The following TNFRSF11B variants were observed in gnomAD, a reference collection of about 807,000 sequenced individuals.
TNFRSF11B encodes TNF receptor superfamily member 11b, also known as tumor necrosis factor receptor superfamily member 11B.
TNFRSF11B carries 16 observed loss-of-function variants against 43.4 expected under a neutral mutation model. The ratio of observed to expected loss-of-function variants is 0.37; its 90% confidence interval spans 0.25 to 0.56. The LOEUF is 0.56. Ranked by LOEUF, TNFRSF11B falls within the 20% of genes least tolerant of loss-of-function variation. TNFRSF11B has a pLI of 0.80. For synonymous variants in TNFRSF11B, 185 were observed against 181.8 expected (o/e 1.02, Z -0.14); for missense variants, 444 against 490.1 (o/e 0.91, Z 0.89).
chr8:118,926,422 G>T, intron 4 of TNFRSF11B, 72 bp downstream of exon 4: 2 of 1,352,008 alleles, frequency 1.5e-6, no homozygotes, highest in Non-Finnish European at 2.1e-6. Context: ...CATACATGCA[G>T]TCTTGTTCCT....
At chr8:118,950,056 G>C (rs1812618833) in intron 1 of TNFRSF11B, among the ~76,000 whole-genome samples, 1 of 152,054 alleles carries the variant, frequency 6.6e-6, no homozygotes, top group African/African-American at 2.4e-5. Context: ...TTATCTACAT[G>C]TTTGTCTATC....
chr8:118,928,897 A>T lies in TNFRSF11B; in HGVS notation c.433T>A (p.Cys145Ser). The T allele has an allele frequency of 6.2e-7, 1 of 1,614,192 alleles. No homozygotes were observed. The highest frequency in any genetic ancestry group is 8.5e-7 in the Non-Finnish European group (1 of 1,180,040). ...TCATTTGAGAAGAACCCATCTGGAC[A>T]TCTTTTGCAAACTGTATTTCGCTCT... ...TPERNTVCKR[C>S]PDGFFSNETS... The change falls in exon 3 of 5, where the codon TGT becomes AGT. Residue 145 changes from cysteine (C) to serine (S), a missense_variant. Cys to Ser is a moderately radical substitution (Grantham distance 112). Coordinates refer to ENST00000297350, the MANE Select transcript of TNFRSF11B (RefSeq NM_002546.4).
chr8:118,948,018 A>G (rs1812591590), intron 1 of TNFRSF11B, among the ~76,000 whole-genome samples: 1 of 152,188 alleles, frequency 6.6e-6, no homozygotes, highest in African/African-American at 2.4e-5. Flanking sequence ...TTATATGTGT[A>G]GGTAAAATAT....
At chr8:118,938,882 C>T (rs1447805462) in intron 1 of TNFRSF11B, among the ~76,000 whole-genome samples, 2 of 152,220 alleles carry the variant, frequency 1.3e-5, no homozygotes, top group Non-Finnish European at 2.9e-5. Context: ...ACTACTGGGC[C>T]TGCTTTCTGT....
At position 118,933,258 on chromosome 8, in the gene TNFRSF11B, G is replaced by A; in HGVS notation, c.73C>T (p.Pro25Ser). The change falls in exon 2 of 5, where the codon CCT (proline) becomes TCT (serine). Residue 25 changes from proline (P) to serine (S), a missense_variant. Physicochemically the swap from Pro to Ser is moderately conservative, Grantham distance 74. Transcript: ENST00000297350. Reference protein sequence around the residue: ...SIKWTTQETFPPKYLHYDEET... With the variant: ...SIKWTTQETFSPKYLHYDEET... The stretch of plus-strand genomic sequence containing the variant: ...TCGTCATAATGAAGGTACTTTGGAG[G>A]AAACGTTTCCTGGGTGGTCCACTTA... 6.2e-7 allele frequency: 1 copy of A among 1,614,080 alleles called. No individual in the cohort carries two copies. The highest frequency in any genetic ancestry group is 1.3e-5 in the African/African-American group (1 of 75,046).
At chr8:118,937,792 A>G (rs1158043518) in intron 1 of TNFRSF11B, among the ~76,000 whole-genome samples, 1 of 152,190 alleles carries the variant, frequency 6.6e-6, no homozygotes, top group African/African-American at 2.4e-5. Flanking sequence ...AGTTTCATAA[A>G]TATCTTTAAG....
intron 3 of TNFRSF11B, among the ~76,000 whole-genome samples, chr8:118,928,328 GTCA>G (rs1261520152): frequency 6.6e-6 from 1 of 152,074 alleles, no homozygotes; most frequent in Admixed American, 6.5e-5. Context: ...GGCCTAATTT[GTCA>G]TCATGTTTAT....
intron 4 of TNFRSF11B, 48 bp downstream of exon 4, chr8:118,926,446 T>C: frequency 6.8e-7 from 1 of 1,469,732 alleles, no homozygotes; most frequent in Non-Finnish European, 9.5e-7. Flanking sequence ...TTATGATAAA[T>C]AGGTGTCTTT....
At chr8:118,934,378 T>C (rs1468089565) in intron 1 of TNFRSF11B, among the ~76,000 whole-genome samples, 1 of 152,186 alleles carries the variant, frequency 6.6e-6, no homozygotes, top group Non-Finnish European at 1.5e-5. Flanking sequence ...TTGACTCTCA[T>C]AGGTGAATGA....
At chr8:118,924,784 A>T in intron 4 of TNFRSF11B, 22 bp from the exon 5 acceptor site, 1 of 1,613,960 alleles carries the variant, frequency 6.2e-7, no homozygotes, top group Non-Finnish European at 8.5e-7. Context: ...AAAAGCCCAG[A>T]TAAGTGTTCA....
intron 1 of TNFRSF11B, among the ~76,000 whole-genome samples, chr8:118,950,363 A>G (rs1335811228): frequency 2.0e-5 from 3 of 152,248 alleles, no homozygotes; most frequent in African/African-American, 4.8e-5. Context: ...ATCCTACAGT[A>G]GAGATGAATC....
At position 118,941,504 on chromosome 8, in the gene TNFRSF11B, A is replaced by G. The variant is rs11573866; in HGVS notation, c.31-8204T>C. ...CACAATTTTGCTTCCCTTGAGGCTG[A>G]AGAATTGTCTTCAGGTAAAATTTAA... On this transcript the variant is annotated intron_variant, in intron 1 of 4. Transcript: ENST00000297350. Among the ~76,000 whole-genome samples, 468 of 152,306 alleles carry G rather than the reference A, an allele frequency of 3.1e-3. 16 individuals carry two copies. In the East Asian group the frequency reaches 0.081, roughly 26 times the overall value.
intron 1 of TNFRSF11B, among the ~76,000 whole-genome samples, chr8:118,936,647 T>A (rs143421299): frequency 6.6e-5 from 10 of 152,174 alleles, no homozygotes; most frequent in Admixed American, 2.6e-4. Context: ...TAAAAATTCA[T>A]TTCTGTGTAA....
chr8:118,928,596 C>T lies in TNFRSF11B; in HGVS notation c.592+142G>A, dbSNP rs181682510. The T allele has an allele frequency of 4.8e-5, 43 of 887,160 alleles. No homozygotes were observed. In the East Asian group the frequency reaches 6.1e-4, roughly 12 times the overall value. 55.0% of individuals were successfully genotyped at this position (887,160 alleles called of 1,614,324 possible). A position where few individuals can be genotyped will look rare whatever the true frequency, so the allele number is the denominator to read the frequency against. On this transcript the variant is annotated intron_variant, in intron 3 of 4. Transcript: ENST00000297350. ...AGTGGTAGCTTTAGCAGTAATGCATCGAGAGTAGCCTTAGCTGGTTAAGAT... is the reference window on the plus strand; with the variant it reads ...AGTGGTAGCTTTAGCAGTAATGCATTGAGAGTAGCCTTAGCTGGTTAAGAT...
At position 118,926,528 on chromosome 8, in the gene TNFRSF11B, G is replaced by A; in HGVS notation, c.783C>T (p.Asn261=). 1 of 1,613,972 alleles carries A rather than the reference G, an allele frequency of 6.2e-7. No homozygotes were observed. ...FQLLKLWKHQ[N]KDQDIVKKII... ...TCTTCTTGACTATATCTTGGTCTTT[G>A]TTTTGATGTTTCCATAACTTCAGCA... Residue 261 remains asparagine, a synonymous_variant, in exon 4 of 5, where the codon AAC becomes AAT. Transcript: ENST00000297350.
chr8:118,941,500 G>A (rs983266275), intron 1 of TNFRSF11B, among the ~76,000 whole-genome samples: 3 of 152,164 alleles, frequency 2.0e-5, no homozygotes, highest in Admixed American at 6.6e-5. Context: ...TTCCCTTGAG[G>A]CTGAAGAATT....
rs1042901557 is a variant in TNFRSF11B at position 118,924,639 on chromosome 8, T to G, written c.941A>C (p.Lys314Thr). Residue 314 changes from lysine (K) to threonine (T), a missense_variant, in exon 5 of 5, where the codon AAA becomes ACA. By Grantham distance (78) the Lys-to-Thr change is moderately conservative (BLOSUM62 -1). Coordinates refer to ENST00000297350, the MANE Select transcript of TNFRSF11B (RefSeq NM_002546.4). ...GKKVGAEDIE[K>T]TIKACKPSDQ... ...ACTGGGTTTGCATGCCTTTATTGTT[T>G]TTTCAATGTCTTCTGCTCCCACTTT... 1 of 1,614,208 alleles carries G rather than the reference T, an allele frequency of 6.2e-7. No homozygotes were observed. Among genetic ancestry groups the G allele is most frequent in the Admixed American group, 1.7e-5 (1 of 60,026 alleles).
chr8:118,924,091 G>GTTTTT lies in TNFRSF11B; in HGVS notation c.*278_*282dup. On this transcript the variant is annotated 3_prime_UTR_variant, in exon 5 of 5. Transcript: ENST00000297350. ...ATTTAGTAAGGCACAATGGAGTCTA[G>GTTTTT]TTTTTTTTTTTTAATTTCCAGTTGA... 1 of 278,280 alleles carries GTTTTT rather than the reference G, an allele frequency of 3.6e-6. No homozygotes were observed. Among genetic ancestry groups the GTTTTT allele is most frequent in the Non-Finnish European group, 6.8e-6 (1 of 146,840 alleles). 17.2% of individuals were successfully genotyped at this position (278,280 alleles called of 1,614,324 possible).
At chr8:118,951,770 G>T (rs200425980) in intron 1 of TNFRSF11B, 22 bp downstream of exon 1, 2 of 1,582,206 alleles carry the variant, frequency 1.3e-6, no homozygotes, top group South Asian at 2.3e-5. Context: ...CCGGGCACCC[G>T]TCGGCTGGCC....
Sources: gnomAD v4.1 joint callset for allele counts (sites outside exome capture counted in the v4.1 genomes callset) on GRCh38, gnomAD v4.1.1 for gene constraint, MANE v1.5 for transcripts, NCBI Gene and HGNC (gene_info 2026-07-23, HGNC 2026-07-21) for gene names.